SNX6: variants seen among roughly 807,000 people sequenced by gnomAD.
SNX6 encodes sorting nexin-6.
In SNX6, 34 loss-of-function variants were observed where a neutral mutation model predicts 63.0. The ratio of observed to expected loss-of-function variants is 0.54; its 90% CI spans 0.41 to 0.72. The LOEUF is 0.72. Ranked by LOEUF, SNX6 falls within the 30% of genes least tolerant of loss-of-function variation. SNX6 has a pLI of 0.00. For missense variants in SNX6, 398 were observed against 471.4 expected (o/e 0.84, Z 1.44); for synonymous variants, 170 against 164.2 (o/e 1.04, Z -0.27).
At chr14:34,604,246 C>G (rs1483625526) in intron 5 of SNX6, 1 of 1,286,150 alleles carries the variant, frequency 7.8e-7, no homozygotes, top group East Asian at 5.6e-5. Flanking sequence ...AGAATAAACC[C>G]AAGGTTCTCT....
intron 2 of SNX6, among the ~76,000 whole-genome samples, chr14:34,622,569 C>CAAAAAAAAA (rs35554563): frequency 1.0e-5 from 1 of 99,710 alleles, no homozygotes; most frequent in Non-Finnish European, 2.0e-5. Context: ...GGCAATAGAG[C>CAAAAAAAAA]AAAAAAAAAA....
rs547481592 is a variant in SNX6, at chr14:34,592,291, C to A, written c.718+754G>T. Among the ~76,000 whole-genome samples, 735 of 152,132 alleles carry A rather than the reference C, an allele frequency of 4.8e-3. 4 individuals are homozygous for A. Among genetic ancestry groups the A allele is most frequent in the Admixed American group, 9.0e-3 (137 of 15,256 alleles). ...ATCCCAGCTACTTGGGAGGCTGAGGCAGGAGAACTGCTTGAACTTGGGCGG... is the reference window on the plus strand; with the variant it reads ...ATCCCAGCTACTTGGGAGGCTGAGGAAGGAGAACTGCTTGAACTTGGGCGG... On this transcript the variant is annotated intron_variant, in intron 8 of 13. Transcript: ENST00000362031.
At chr14:34,592,147 G>C (rs754730169) in intron 8 of SNX6, among the ~76,000 whole-genome samples, 6 of 152,194 alleles carry the variant, frequency 3.9e-5, no homozygotes, top group African/African-American at 9.7e-5. Context: ...CTGCACTTTG[G>C]AAGGCCAAGG....
At chr14:34,582,128 T>TG in intron 9 of SNX6, among the ~76,000 whole-genome samples, 1 of 136,744 alleles carries the variant, frequency 7.3e-6, no homozygotes, top group South Asian at 2.3e-4. Context: ...CGCCCGGCCC[T>TG]GATTTTTTTT....
At chr14:34,630,048 G>A in intron 1 of SNX6, 63 bp downstream of exon 1, 2 of 1,438,134 alleles carry the variant, frequency 1.4e-6, no homozygotes, top group Non-Finnish European at 1.8e-6. Flanking sequence ...CGGTCCCCGC[G>A]CCCGCCCCGC....
chr14:34,623,443 CA>C (rs1555328954), intron 2 of SNX6, among the ~76,000 whole-genome samples: 1 of 151,690 alleles, frequency 6.6e-6, no homozygotes, highest in Non-Finnish European at 1.5e-5. Context: ...CCTTACCCCC[CA>C]AAAAAAGGGG....
chr14:34,618,647 G>A (rs1052834993), intron 2 of SNX6, among the ~76,000 whole-genome samples: 2 of 152,114 alleles, frequency 1.3e-5, no homozygotes, highest in African/African-American at 2.4e-5. Context: ...ACTGCACCTG[G>A]CCCTCGTTTT....
chr14:34,571,511 A>C (rs1042948413), intron 11 of SNX6, among the ~76,000 whole-genome samples: 1 of 152,214 alleles, frequency 6.6e-6, no homozygotes, highest in African/African-American at 2.4e-5. Context: ...AGCCCACCTG[A>C]AAACACTATA....
At chr14:34,593,226 A>T in intron 7 of SNX6, 76 bp from the exon 8 acceptor site, 1 of 853,252 alleles carries the variant, frequency 1.2e-6, no homozygotes. Context: ...TATCATTATA[A>T]ATATAAAAGA....
In SNX6 at chr14:34,567,857, G is replaced by C; in HGVS notation, c.1078C>G (p.Gln360Glu). The change falls in exon 12 of 14, where the codon CAA becomes GAA. Residue 360 changes from glutamine to glutamate, a missense_variant. By Grantham distance (29) the Gln-to-Glu change is conservative. Transcript: ENST00000362031. ...KFEKISESAK[Q>E]ELIDFKTRRV... The stretch of plus-strand genomic sequence containing the variant: ...TTAAAGGTTAACGTAACAGTACCTT[G>C]TTTTGCAGACTCAGATATTTTTTCA... The C allele has an allele frequency of 1.2e-6, 2 of 1,613,974 alleles. No homozygotes were observed. The highest frequency in any genetic ancestry group is 1.7e-6 in the Non-Finnish European group (2 of 1,179,982).
At chr14:34,623,000 A>C (rs1883684110) in intron 2 of SNX6, among the ~76,000 whole-genome samples, 1 of 152,100 alleles carries the variant, frequency 6.6e-6, no homozygotes, top group Non-Finnish European at 1.5e-5. Context: ...CCTTCCCCTA[A>C]AGTTGAACAC....
intron 6 of SNX6, among the ~76,000 whole-genome samples, chr14:34,601,744 A>G (rs987627503): frequency 1.3e-5 from 2 of 150,074 alleles, no homozygotes; most frequent in African/African-American, 4.9e-5. Context: ...ACAGGCGCCC[A>G]CCACCATGCC....
rs779216454 is a variant in SNX6, at chr14:34,589,723, C to T, written c.718+3322G>A. 3.3e-5 allele frequency among the ~76,000 whole-genome samples: 5 copies of T among 151,602 alleles called. No individual in the cohort carries two copies. The South Asian group carries it at 6.3e-4, about 19-fold the overall frequency. The stretch of plus-strand genomic sequence containing the variant: ...ACACCTGTAATCCTATGGGGAAGGT[C>T]GAGGCATGAGAATCACTTGAACCCA... On this transcript the variant is annotated intron_variant, in intron 8 of 13. Transcript: ENST00000362031.
intron 2 of SNX6, among the ~76,000 whole-genome samples, chr14:34,625,276 G>A (rs1244253993): frequency 6.6e-6 from 1 of 152,216 alleles, no homozygotes; most frequent in East Asian, 1.9e-4. Flanking sequence ...ATGCCTAAAA[G>A]TTCTAATTAT....
chr14:34,566,988 C>T (rs942994898), intron 13 of SNX6, among the ~76,000 whole-genome samples: 2 of 151,710 alleles, frequency 1.3e-5, no homozygotes, highest in African/African-American at 2.4e-5. Flanking sequence ...TACGGGAGGC[C>T]GAGGCAGGTG....
intron 6 of SNX6, among the ~76,000 whole-genome samples, chr14:34,599,601 C>G (rs1474217329): frequency 1.3e-5 from 2 of 148,470 alleles, no homozygotes; most frequent in African/African-American, 5.0e-5. Flanking sequence ...GAGCGAAACT[C>G]TGTCTAAAAA....
chr14:34,583,929 C>G (rs1882048308), intron 9 of SNX6, among the ~76,000 whole-genome samples: 2 of 150,688 alleles, frequency 1.3e-5, no homozygotes, highest in East Asian at 4.0e-4. Context: ...CTCACTGCAA[C>G]CTCTGCCTCC....
rs1390831807 is a variant in SNX6 at position 34,609,631 on chromosome 14, C to T, written c.159+7G>A. ...TAAAATAATAGAAAGTACAAAATCACATTTACCTTTGTGTGAACAGTGAAT... is the reference window on the plus strand; with the variant it reads ...TAAAATAATAGAAAGTACAAAATCATATTTACCTTTGTGTGAACAGTGAAT... On this transcript the variant is annotated splice_region_variant and intron_variant, in intron 3 of 13. Coordinates refer to ENST00000362031, the MANE Select transcript of SNX6 (RefSeq NM_152233.4). 6.4e-7 allele frequency: 1 copy of T among 1,569,406 alleles called. No homozygotes were observed. Among genetic ancestry groups the T allele is most frequent in the Non-Finnish European group, 8.8e-7 (1 of 1,142,392 alleles).
chr14:34,596,968 G>A (rs72675213), intron 7 of SNX6, among the ~76,000 whole-genome samples: 3,569 of 152,280 alleles, frequency 0.023, 57 homozygotes, highest in Middle Eastern at 0.058. Flanking sequence ...CACCTTGCCC[G>A]GCCTCAACTG....
Sources: allele counts gnomAD v4.1 joint callset (sites outside exome capture counted in the v4.1 genomes callset), GRCh38; gene constraint gnomAD v4.1.1; transcripts MANE v1.5; gene names NCBI Gene and HGNC (gene_info 2026-07-23, HGNC 2026-07-21).